TIAM1: variants seen among roughly 807,000 people sequenced by gnomAD.
TIAM1 encodes the protein rho guanine nucleotide exchange factor TIAM1.
A neutral mutation model predicts 163.5 loss-of-function variants in TIAM1; 65 were observed. That is an observed-to-expected ratio of 0.40 (90% CI 0.33 to 0.49). TIAM1 has a LOEUF of 0.49. TIAM1 is among the 20% of genes least tolerant of loss of function. TIAM1 has a pLI of 0.77. For missense variants in TIAM1, 1,789 were observed against 2,044.7 expected (o/e 0.87, Z 2.41); for synonymous variants, 833 against 810.1 (o/e 1.03, Z -0.48).
upstream of TIAM1, among the ~76,000 whole-genome samples, chr21:31,348,484 G>A (rs564896953): frequency 3.9e-5 from 6 of 152,262 alleles, no homozygotes; most frequent in African/African-American, 1.4e-4. Context: ...ATCCAAACAC[G>A]ATTTCCCAGC....
chr21:31,319,690 G>A (rs1429778423), intron 2 of TIAM1, among the ~76,000 whole-genome samples: 1 of 148,272 alleles, frequency 6.7e-6, no homozygotes, highest in African/African-American at 2.5e-5. Context: ...TGAGGCAGGA[G>A]AATGGCATGA....
chr21:31,358,416 C>A (rs144152392), intron 2 of TIAM1, among the ~76,000 whole-genome samples: 2 of 152,266 alleles, frequency 1.3e-5, no homozygotes, highest in East Asian at 1.9e-4. Context: ...CGAATACTTT[C>A]CACATGCTAA....
At chr21:31,455,688 G>C (rs971415443) in intron 2 of TIAM1, among the ~76,000 whole-genome samples, 31 of 152,220 alleles carry the variant, frequency 2.0e-4, no homozygotes, top group African/African-American at 6.8e-4. Flanking sequence ...CACCAGATGG[G>C]AAGCGCTAGA....
chr21:31,218,477 G>A (rs1395278248), intron 8 of TIAM1, among the ~76,000 whole-genome samples: 1 of 151,422 alleles, frequency 6.6e-6, no homozygotes, highest in Non-Finnish European at 1.5e-5. Context: ...GCTGAGACAG[G>A]AGAATTGCTT....
At chr21:31,362,818 G>A (rs1048707992) in intron 2 of TIAM1, among the ~76,000 whole-genome samples, 20 of 151,940 alleles carry the variant, frequency 1.3e-4, no homozygotes, top group Non-Finnish European at 2.2e-4. Context: ...GGCAGGGAGC[G>A]CTCACTCTCA....
At chr21:31,265,053 G>A (rs1185220471) in intron 4 of TIAM1, among the ~76,000 whole-genome samples, 3 of 152,010 alleles carry the variant, frequency 2.0e-5, no homozygotes, top group African/African-American at 7.2e-5. Flanking sequence ...TGTTGCCCAG[G>A]TGGGACTTAA....
chr21:31,547,392 GAATTGTTTGATAC>G (rs1363245816), intron 1 of TIAM1, among the ~76,000 whole-genome samples: 7 of 152,070 alleles, frequency 4.6e-5, no homozygotes, highest in African/African-American at 1.7e-4. Flanking sequence ...AAGATAATTT[GAATTGTTTGATAC>G]AATTGGTGAG....
chr21:31,341,324 G>A lies in TIAM1; in HGVS notation c.-368-1902C>T, dbSNP rs147055481. On this transcript the variant is annotated intron_variant, in intron 1 of 27. Transcript: ENST00000541036. ...TCCTGAGGCCACACAGTCAAAAGGG[G>A]CAGAGCAAGAATTCAAAGCCAGGTC... Among the ~76,000 whole-genome samples, 318 of 152,264 alleles carry A rather than the reference G, an allele frequency of 2.1e-3. 1 individual carries two copies. The highest frequency in any genetic ancestry group is 7.3e-3 in the African/African-American group (303 of 41,526).
At chr21:31,417,832 T>A (rs1301878666) in intron 2 of TIAM1, among the ~76,000 whole-genome samples, 3 of 152,074 alleles carry the variant, frequency 2.0e-5, no homozygotes, top group African/African-American at 7.2e-5. Context: ...GTACATTATG[T>A]AACTACCTGG....
chr21:31,233,801 T>A (rs1285501466), intron 6 of TIAM1, among the ~76,000 whole-genome samples: 3 of 152,218 alleles, frequency 2.0e-5, no homozygotes, highest in African/African-American at 7.2e-5. Flanking sequence ...GGTTCATTCT[T>A]TGGAGAAGAA....
At chr21:31,247,827 T>G (rs1335076174) in intron 5 of TIAM1, among the ~76,000 whole-genome samples, 1 of 152,172 alleles carries the variant, frequency 6.6e-6, no homozygotes, top group Non-Finnish European at 1.5e-5. Context: ...CAGGAACACT[T>G]GTATGAAAAA....
intron 2 of TIAM1, among the ~76,000 whole-genome samples, chr21:31,433,938 C>CA (rs1297639405): frequency 6.6e-6 from 1 of 152,092 alleles, no homozygotes; most frequent in Non-Finnish European, 1.5e-5. Context: ...GCTGGGACCA[C>CA]AGGCATGTAC....
intron 1 of TIAM1, among the ~76,000 whole-genome samples, chr21:31,558,029 G>C (rs1268046642): frequency 6.6e-6 from 1 of 152,140 alleles, no homozygotes; most frequent in Non-Finnish European, 1.5e-5. Context: ...GGCGTCACCT[G>C]ACAGCGCGCA....
At chr21:31,412,064 G>A (rs893668386) in intron 2 of TIAM1, among the ~76,000 whole-genome samples, 1 of 152,162 alleles carries the variant, frequency 6.6e-6, no homozygotes, top group Admixed American at 6.6e-5. Flanking sequence ...CTGGATAAAG[G>A]AAATGTGATA....
chr21:31,495,007 C>A (rs928362478), intron 1 of TIAM1, among the ~76,000 whole-genome samples: 2 of 152,144 alleles, frequency 1.3e-5, no homozygotes, highest in African/African-American at 4.8e-5. Context: ...AAAGGGACGT[C>A]ATGTTGCCAA....
At chr21:31,506,582 A>G (rs138580426) in intron 1 of TIAM1, among the ~76,000 whole-genome samples, 1 of 152,304 alleles carries the variant, frequency 6.6e-6, no homozygotes, top group East Asian at 1.9e-4. Context: ...ACTTAACGTA[A>G]TGTCTTCAAG....
intron 1 of TIAM1, among the ~76,000 whole-genome samples, chr21:31,494,820 C>A: frequency 6.6e-6 from 1 of 151,018 alleles, no homozygotes; most frequent in South Asian, 2.1e-4. Context: ...TCCAGCCTGG[C>A]GACAGAGTGA....
chr21:31,125,289 C>G (rs1449311534), intron 26 of TIAM1, among the ~76,000 whole-genome samples: 1 of 151,588 alleles, frequency 6.6e-6, no homozygotes, highest in Non-Finnish European at 1.5e-5. Context: ...ATATTTTTAC[C>G]CAGGTAAGTT....
chr21:31,124,288 G>C (rs1366907527), intron 27 of TIAM1: 2 of 428,818 alleles, frequency 4.7e-6, no homozygotes, highest in Non-Finnish European at 7.8e-6. Flanking sequence ...GGAGAAGGGA[G>C]GCAAAGGGAA....
Sources: gnomAD v4.1 joint callset for allele counts (sites outside exome capture counted in the v4.1 genomes callset) on GRCh38, gnomAD v4.1.1 for gene constraint, MANE v1.5 for transcripts, NCBI Gene and HGNC (gene_info 2026-07-23, HGNC 2026-07-21) for gene names.